CAPRIN1: variants seen among roughly 807,000 people sequenced by gnomAD.
CAPRIN1 encodes cell cycle associated protein 1.
A neutral mutation model predicts 100.9 loss-of-function variants in CAPRIN1; 29 were observed. That is an observed-to-expected ratio of 0.29 (90% CI 0.21 to 0.39). CAPRIN1 has a LOEUF of 0.39. Ranked by LOEUF, CAPRIN1 falls within the 10% of genes least tolerant of loss-of-function variation. The pLI is 1.00. For missense variants in CAPRIN1, 795 were observed against 876.7 expected, an observed-to-expected ratio of 0.91 and a Z score of 1.18; for synonymous variants, 338 against 307.5, an observed-to-expected ratio of 1.10 and a Z score of -1.04.
intron 11 of CAPRIN1, among the ~76,000 whole-genome samples, chr11:34,087,824 A>G (rs975031205): frequency 5.3e-5 from 8 of 152,190 alleles, no homozygotes; most frequent in South Asian, 2.1e-4. Context: ...AGTTATTTAC[A>G]TAATGCTGAG....
At position 34,052,594 on chromosome 11, in the gene CAPRIN1, C is replaced by T. The variant is rs751696908; in HGVS notation, c.174C>T (p.Leu58=). ...AVQTEAMKQI[L]GVIDKKLRNL... is the part of the protein sequence containing the mutation. Reference sequence around the variant, plus strand: ...AGACCGAGGCCATGAAGCAGATTCTCGGGGTGATCGACAAGAAACTTCGGA... The same window carrying T: ...AGACCGAGGCCATGAAGCAGATTCTTGGGGTGATCGACAAGAAACTTCGGA... The change falls in exon 2 of 19, where the codon CTC becomes CTT. Residue 58 remains leucine, a synonymous_variant. Coordinates refer to ENST00000341394, the MANE Select transcript of CAPRIN1 (RefSeq NM_005898.5). 1.2e-6 allele frequency: 2 copies of T among 1,610,958 alleles called. No homozygotes were observed. Among genetic ancestry groups the T allele is most frequent in the African/African-American group, 2.7e-5 (2 of 74,844 alleles).
At chr11:34,094,841 T>TA (rs1049392465) in intron 15 of CAPRIN1, among the ~76,000 whole-genome samples, 1 of 152,168 alleles carries the variant, frequency 6.6e-6, no homozygotes, top group Non-Finnish European at 1.5e-5. Flanking sequence ...AGATCACACT[T>TA]AAGTTATTAT....
intron 2 of CAPRIN1, among the ~76,000 whole-genome samples, chr11:34,065,934 T>C (rs2134096128): frequency 6.6e-6 from 1 of 152,338 alleles, no homozygotes; most frequent in South Asian, 2.1e-4. Flanking sequence ...TGTGTAATGC[T>C]ATGATGAAAC....
chr11:34,078,810 C>G (rs990996736), intron 6 of CAPRIN1, among the ~76,000 whole-genome samples: 2 of 152,200 alleles, frequency 1.3e-5, no homozygotes, highest in Non-Finnish European at 2.9e-5. Flanking sequence ...CCCCTCTACT[C>G]TTCTGGATTT....
chr11:34,055,407 C>T (rs1057355446), intron 2 of CAPRIN1, among the ~76,000 whole-genome samples: 2 of 152,208 alleles, frequency 1.3e-5, no homozygotes, highest in Non-Finnish European at 1.5e-5. Flanking sequence ...ACTGCAACCT[C>T]CGCCTCCTGG....
At chr11:34,086,478 G>C in intron 11 of CAPRIN1, 65 bp downstream of exon 11, 1 of 942,060 alleles carries the variant, frequency 1.1e-6, no homozygotes, top group South Asian at 1.6e-5. Flanking sequence ...GTTTTAAAAA[G>C]ATTGTGAAAA....
intron 9 of CAPRIN1, among the ~76,000 whole-genome samples, chr11:34,085,609 C>G (rs1274631500): frequency 2.0e-5 from 3 of 152,066 alleles, no homozygotes; most frequent in African/African-American, 7.2e-5. Flanking sequence ...CAAGACCAGC[C>G]TGGCCAATAT....
Position 34,051,859 on chromosome 11 carries a change from CCG to C in CAPRIN1, c.-5_-4del. ...GCCCACTCGTGATTTCCAGCGGCCT[CCG>C]CGCGCGCACGGTGAGCGCCACCCGG... On this transcript the variant is annotated 5_prime_UTR_variant, in exon 1 of 19. Transcript: ENST00000341394. 1 of 152,748 alleles carries C rather than the reference CCG, an allele frequency of 6.5e-6. No homozygotes were observed. The highest frequency in any genetic ancestry group is 1.5e-5 in the Non-Finnish European group (1 of 68,412). 9.5% of individuals were successfully genotyped at this position (152,748 alleles called of 1,614,324 possible).
intron 6 of CAPRIN1, among the ~76,000 whole-genome samples, chr11:34,078,714 A>C (rs111632322): frequency 0.016 from 2,473 of 152,262 alleles, 35 homozygotes; most frequent in Middle Eastern, 0.065. Flanking sequence ...TATTTTAGCC[A>C]CAGTGGCTTC....
chr11:34,083,369 T>C (rs1448961057), intron 9 of CAPRIN1, among the ~76,000 whole-genome samples: 1 of 152,222 alleles, frequency 6.6e-6, no homozygotes, highest in Non-Finnish European at 1.5e-5. Context: ...TTTTGGGGTA[T>C]CATCTTGCAC....
intron 18 of CAPRIN1, 111 bp from the exon 19 acceptor site, chr11:34,099,192 A>G (rs536436701): frequency 3.0e-5 from 46 of 1,538,170 alleles, no homozygotes; most frequent in African/African-American, 4.1e-5. Context: ...CTTAAGCCTA[A>G]TAATGTGGTG....
chr11:34,096,381 G>A (rs1321135770), intron 15 of CAPRIN1, 98 bp from the exon 16 acceptor site: 9 of 769,074 alleles, frequency 1.2e-5, no homozygotes, highest in East Asian at 2.7e-5. Flanking sequence ...TAAACTTTAA[G>A]GAGACTGTAT....
rs975823155 is a variant in CAPRIN1 at position 34,052,838 on chromosome 11, G to A, written c.216+202G>A. On this transcript the variant is annotated intron_variant, in intron 2 of 18. Transcript: ENST00000341394. Reference sequence around the variant, plus strand: ...AAACGGGCTCTTGGAAGAGGCACTTGTCACCTGACTCGGACGCGGCACTGT... The same window carrying A: ...AAACGGGCTCTTGGAAGAGGCACTTATCACCTGACTCGGACGCGGCACTGT... The A allele has an allele frequency of 9.7e-6, 14 of 1,441,566 alleles. No homozygotes were observed. The Admixed American group carries it at 2.6e-4, about 27-fold the overall frequency. The allele number at this position is 1,441,566 out of a possible 1,614,324, so 89.3% of individuals were successfully genotyped here.
intron 2 of CAPRIN1, among the ~76,000 whole-genome samples, chr11:34,059,084 C>G (rs974342193): frequency 1.3e-5 from 2 of 152,156 alleles, no homozygotes; most frequent in African/African-American, 4.8e-5. Flanking sequence ...ACTAGCTCTA[C>G]TACAGTGCTT....
intron 4 of CAPRIN1, among the ~76,000 whole-genome samples, chr11:34,072,552 A>G (rs1850823315): frequency 1.3e-5 from 2 of 152,198 alleles, no homozygotes; most frequent in South Asian, 4.1e-4. Flanking sequence ...CGTTTATATA[A>G]TTGGTAATTA....
At chr11:34,066,726 C>T (rs1005555991) in intron 2 of CAPRIN1, among the ~76,000 whole-genome samples, 9 of 151,184 alleles carry the variant, frequency 6.0e-5, no homozygotes, top group African/African-American at 2.2e-4. Flanking sequence ...CTCACTGCAA[C>T]CTCCACCTCC....
chr11:34,064,458 A>T (rs187269765), intron 2 of CAPRIN1, among the ~76,000 whole-genome samples: 6 of 152,316 alleles, frequency 3.9e-5, no homozygotes, highest in Non-Finnish European at 5.9e-5. Context: ...TGTGCTTTCA[A>T]AGATTAGGCA....
chr11:34,082,996 T>C lies in CAPRIN1; in HGVS notation c.921T>C (p.Ser307=), dbSNP rs770530598. 3.7e-6 allele frequency: 6 copies of C among 1,613,948 alleles called. No homozygotes were observed. The highest frequency in any genetic ancestry group is 5.1e-6 in the Non-Finnish European group (6 of 1,179,952). Residue 307 remains serine (S), a synonymous_variant, in exon 9 of 19, where the codon AGT becomes AGC. Coordinates refer to ENST00000341394, the MANE Select transcript of CAPRIN1 (RefSeq NM_005898.5). Reference sequence around the variant, plus strand: ...TCATGGCAGAAACACAGTTCACCAGTGGTGAAAAGGAGCAGGTAGATGAGT... The same window carrying C: ...TCATGGCAGAAACACAGTTCACCAGCGGTGAAAAGGAGCAGGTAGATGAGT... ...RQFMAETQFT[S]GEKEQVDEWT... is the part of the protein sequence containing the mutation.
intron 2 of CAPRIN1, among the ~76,000 whole-genome samples, chr11:34,058,481 C>T (rs1850503205): frequency 6.6e-6 from 1 of 152,188 alleles, no homozygotes; most frequent in Non-Finnish European, 1.5e-5. Flanking sequence ...TGTAATGTTC[C>T]ACGGCCTAAG....
Sources: allele counts gnomAD v4.1 joint callset (sites outside exome capture counted in the v4.1 genomes callset), GRCh38; gene constraint gnomAD v4.1.1; transcripts MANE v1.5; gene names NCBI Gene and HGNC (gene_info 2026-07-23, HGNC 2026-07-21).